Variants in MLXIP observed in about 807,000 individuals in gnomAD.
MLXIP encodes MLX-interacting protein.
A neutral mutation model predicts 87.2 loss-of-function variants in MLXIP; 30 were observed. The observed-to-expected ratio is 0.34, with a 90% CI of 0.26 to 0.47. MLXIP has a LOEUF of 0.47. Among genes scored for constraint, MLXIP ranks in the 20% least tolerant of loss-of-function variants. The pLI is 1.00. For missense variants in MLXIP, 1,002 were observed against 1,240.1 expected, an observed-to-expected ratio of 0.81 and a Z score of 2.88; for synonymous variants, 530 against 514.0, an observed-to-expected ratio of 1.03 and a Z score of -0.42.
chr12:122,122,290 C>T (rs11059094), intron 1 of MLXIP, among the ~76,000 whole-genome samples: 76,786 of 152,014 alleles, frequency 0.51, 19,909 homozygotes, highest in Middle Eastern at 0.64. Flanking sequence ...CAGTCACAGA[C>T]GCTTTCTGGC....
Position 122,115,588 on chromosome 12 carries a change from C to CAAAAAAAA in MLXIP, c.414-11658_414-11651dup, listed in dbSNP as rs35318582. ...GGGCAACAAGAGCGAAACTCCTTCT[C>CAAAAAAAA]AAAAAAAAAAAAAAAAAGACCAGTA... On this transcript the variant is annotated intron_variant, in intron 1 of 16. Transcript: ENST00000319080. 1.0e-3 allele frequency among the ~76,000 whole-genome samples: 115 copies of CAAAAAAAA among 110,684 alleles called. 6 individuals carry two copies. Among genetic ancestry groups the CAAAAAAAA allele is most frequent in the Middle Eastern group, 0.01 (2 of 192 alleles). The allele number at this position is 110,684 out of a possible 152,430, so 72.6% of individuals were successfully genotyped here.
At chr12:122,120,170 C>CG (rs1952756642) in intron 1 of MLXIP, among the ~76,000 whole-genome samples, 1 of 109,658 alleles carries the variant, frequency 9.1e-6, no homozygotes, top group African/African-American at 4.0e-5. Context: ...TTTCCCCCTC[C>CG]CCCCTTCTTC....
At chr12:122,116,934 G>C (rs1435809854) in intron 1 of MLXIP, among the ~76,000 whole-genome samples, 1 of 152,210 alleles carries the variant, frequency 6.6e-6, no homozygotes, top group Non-Finnish European at 1.5e-5. Context: ...CTAGTGGAAG[G>C]CCTGGACACA....
Position 122,142,424 on chromosome 12 carries a change from G to T in MLXIP, c.*612G>T, listed in dbSNP as rs1009739709. 2.3e-6 allele frequency: 1 copy of T among 430,662 alleles called. No individual in the cohort carries two copies. The highest frequency in any genetic ancestry group is 2.0e-5 in the African/African-American group (1 of 49,858). 26.7% of individuals were successfully genotyped at this position (430,662 alleles called of 1,614,324 possible). ...TTCAGAGGTCCTCCAGGACACATGT[G>T]TGCAGAAACGGTGGATGTGGAACAC... On this transcript the variant is annotated 3_prime_UTR_variant, in exon 17 of 17. Transcript: ENST00000319080.
In MLXIP at chr12:122,137,495, G is replaced by T. The variant is rs374999599; in HGVS notation, c.2059G>T (p.Ala687Ser). Residue 687 changes from alanine (A) to serine (S), a missense_variant, in exon 12 of 17, where the codon GCC becomes TCC. By Grantham distance (99) the Ala-to-Ser change is moderately conservative (BLOSUM62 1). Transcript: ENST00000319080. The surrounding 1 kb of genome is among the most constrained non-coding windows in gnomAD (Gnocchi z 4.1). ...TCGGGACTGCCCAAACTCAGGGCAG[G>T]CCTCTCCGTGTGCATCGGAGCAGAG... ...PSRDCPNSGQ[A>S]SPCASEQSPS... 3.7e-6 allele frequency: 6 copies of T among 1,613,860 alleles called. No homozygotes were observed. Among genetic ancestry groups the T allele is most frequent in the South Asian group, 2.2e-5 (2 of 91,086 alleles).
At chr12:122,138,348 G>A in intron 13 of MLXIP, 53 bp downstream of exon 13, 1 of 1,610,036 alleles carries the variant, frequency 6.2e-7, no homozygotes, top group Non-Finnish European at 8.5e-7. Context: ...GGCAGGACGT[G>A]CTCCCTGCGT....
chr12:122,141,534 C>G (rs1953203228), intron 16 of MLXIP, 157 bp from the exon 17 acceptor site: 1 of 798,066 alleles, frequency 1.3e-6, no homozygotes, highest in Non-Finnish European at 1.5e-6. Context: ...GTGCCCAGGT[C>G]TCGGTGTCGG....
chr12:122,103,265 C>T (rs1268861542), intron 1 of MLXIP, among the ~76,000 whole-genome samples: 2 of 151,976 alleles, frequency 1.3e-5, no homozygotes, highest in African/African-American at 2.4e-5. Context: ...CACTCTTCTA[C>T]CCAGGCTGGA....
chr12:122,102,707 A>G (rs956563722), intron 1 of MLXIP, among the ~76,000 whole-genome samples: 3 of 152,230 alleles, frequency 2.0e-5, no homozygotes, highest in Non-Finnish European at 4.4e-5. Context: ...ATATCTGTGG[A>G]TAGGAATATT....
At chr12:122,138,759 A>G (rs1045309830) in intron 14 of MLXIP, 56 bp from the exon 15 acceptor site, 2 of 1,595,094 alleles carry the variant, frequency 1.3e-6, no homozygotes, top group Admixed American at 3.5e-5. Flanking sequence ...CTTTTGTCCC[A>G]GGGTCCTTAT....
intron 1 of MLXIP, among the ~76,000 whole-genome samples, chr12:122,082,812 A>G (rs751454958): frequency 6.6e-6 from 1 of 152,124 alleles, no homozygotes; most frequent in Non-Finnish European, 1.5e-5. Context: ...ACACATGTAT[A>G]TCCTTCACAC....
chr12:122,136,606 G>A (rs535690573), intron 11 of MLXIP: 2 of 152,360 alleles, frequency 1.3e-5, no homozygotes, highest in African/African-American at 2.4e-5. Flanking sequence ...TCCAGCCTGG[G>A]TGACAGAGCG....
chr12:122,093,087 T>C (rs1952272384), intron 1 of MLXIP, among the ~76,000 whole-genome samples: 1 of 113,820 alleles, frequency 8.8e-6, no homozygotes, highest in Non-Finnish European at 2.0e-5. Flanking sequence ...TTGCTGTGTG[T>C]GTTGGTGTGT....
chr12:122,105,999 C>T (rs1952514109), intron 1 of MLXIP, among the ~76,000 whole-genome samples: 2 of 152,180 alleles, frequency 1.3e-5, no homozygotes, highest in Admixed American at 6.5e-5. Context: ...GCTTCACTTG[C>T]TCTTCTTTTT....
intron 1 of MLXIP, among the ~76,000 whole-genome samples, chr12:122,083,498 T>C (rs1452249073): frequency 6.6e-6 from 1 of 151,970 alleles, no homozygotes; most frequent in African/African-American, 2.4e-5. Flanking sequence ...CACTGCAACC[T>C]CTGCCTCCTG....
intron 3 of MLXIP, chr12:122,128,812 G>A (rs1207982893): frequency 2.3e-5 from 6 of 259,390 alleles, no homozygotes; most frequent in Non-Finnish European, 4.5e-5. Flanking sequence ...TTATGGGGGG[G>A]CTTGGGAATT....
chr12:122,138,778 G>T, intron 14 of MLXIP, 37 bp from the exon 15 acceptor site: 1 of 1,606,538 alleles, frequency 6.2e-7, no homozygotes, highest in Non-Finnish European at 8.5e-7. Flanking sequence ...ATTGGCCACT[G>T]GCTGCTCCAC....
rs951980993 is a variant in MLXIP at position 122,135,877 on chromosome 12, G to T, written c.2032+211G>T. 18 of 600,626 alleles carry T rather than the reference G, an allele frequency of 3.0e-5. No homozygotes were observed. The Admixed American group carries it at 4.0e-4, about 13-fold the overall frequency. The allele number at this position is 600,626 out of a possible 1,614,324, so 37.2% of individuals were successfully genotyped here. On this transcript the variant is annotated intron_variant, in intron 11 of 16. Coordinates refer to ENST00000319080, the MANE Select transcript of MLXIP (RefSeq NM_014938.6). The surrounding 1 kb of genome is among the most constrained non-coding windows in gnomAD (Gnocchi z 5.3). ...GGTGGCACTGGCAGGGCAAAAAGTAGTGAACATGTGGCAGTGTAGGTGACC... is the reference window on the plus strand; with the variant it reads ...GGTGGCACTGGCAGGGCAAAAAGTATTGAACATGTGGCAGTGTAGGTGACC...
chr12:122,099,450 C>G (rs1036806574), intron 1 of MLXIP, among the ~76,000 whole-genome samples: 4 of 152,200 alleles, frequency 2.6e-5, no homozygotes, highest in African/African-American at 7.2e-5. Context: ...CATCGTGCTG[C>G]GCACTGGTGG....
Sources: allele counts gnomAD v4.1 joint callset (sites outside exome capture counted in the v4.1 genomes callset), GRCh38; gene constraint gnomAD v4.1.1; non-coding constraint Gnocchi (gnomAD v3.1); transcripts MANE v1.5; gene names NCBI Gene and HGNC (gene_info 2026-07-23, HGNC 2026-07-21).